SORCS3: variants seen among roughly 807,000 people sequenced by gnomAD.
The protein encoded by SORCS3 is VPS10 domain-containing receptor SorCS3.
SORCS3 carries 57 observed loss-of-function variants against 146.3 expected under a neutral mutation model. That is an observed-to-expected ratio of 0.39 (90% confidence interval 0.31 to 0.49). The LOEUF is 0.49. Ranked by LOEUF, SORCS3 falls within the 20% of genes least tolerant of loss-of-function variation. The pLI, the probability that SORCS3 is intolerant of heterozygous loss-of-function variation, is 0.92. For missense variants in SORCS3, 1,341 were observed against 1,575.5 expected (o/e 0.85, Z 2.52); for synonymous variants, 653 against 618.5 (o/e 1.06, Z -0.83).
chr10:105,097,867 G>A (rs1285044425), intron 6 of SORCS3, among the ~76,000 whole-genome samples: 2 of 152,102 alleles, frequency 1.3e-5, no homozygotes, highest in African/African-American at 2.4e-5. Flanking sequence ...ACCTGAACAT[G>A]GGCAAAACAT....
In SORCS3 at chr10:104,757,679, G is replaced by A. The variant is rs967776789; in HGVS notation, c.628-85113G>A. 3.9e-5 allele frequency among the ~76,000 whole-genome samples: 6 copies of A among 152,142 alleles called. No individual in the cohort carries two copies. The East Asian group carries it at 7.7e-4, about 20-fold the overall frequency. ...TTGGTGGTGGCTTGAAATTCAGTTC[G>A]GGGGTGTGAACTTTCTCTTCATTTT... On this transcript the variant is annotated intron_variant, in intron 1 of 26. Transcript: ENST00000369701.
intron 1 of SORCS3, among the ~76,000 whole-genome samples, chr10:104,840,315 C>G (rs1440191922): frequency 6.6e-6 from 1 of 152,182 alleles, no homozygotes; most frequent in Non-Finnish European, 1.5e-5. Flanking sequence ...TCAGCATTCC[C>G]TTTAGCTAGT....
chr10:104,949,322 G>T (rs74155071), intron 3 of SORCS3, among the ~76,000 whole-genome samples: 2,688 of 152,304 alleles, frequency 0.018, 74 homozygotes, highest in African/African-American at 0.061. Flanking sequence ...TGGGGAAAGA[G>T]AAATAGTTTT....
Position 104,794,622 on chromosome 10 carries a change from GGAGA to G in SORCS3, c.628-48135_628-48132del, listed in dbSNP as rs371695559. ...GTGTGTGTGAGAGAGAGAGAGGGAGGGAGAGAGAGAGAGAGAGAGAGAGAGAGAG... is the reference window on the plus strand; with the variant it reads ...GTGTGTGTGAGAGAGAGAGAGGGAGGGAGAGAGAGAGAGAGAGAGAGAGAG... On this transcript the variant is annotated intron_variant, in intron 1 of 26. Transcript: ENST00000369701. 4.4e-3 allele frequency among the ~76,000 whole-genome samples: 181 copies of G among 41,376 alleles called. 2 individuals are homozygous for G. The highest frequency in any genetic ancestry group is 7.6e-3 in the Admixed American group (28 of 3,682). 27.1% of individuals were successfully genotyped at this position (41,376 alleles called of 152,430 possible).
At chr10:104,766,210 G>A (rs1026543384) in intron 1 of SORCS3, among the ~76,000 whole-genome samples, 1 of 152,198 alleles carries the variant, frequency 6.6e-6, no homozygotes, top group Non-Finnish European at 1.5e-5. Context: ...AGACCAGAGT[G>A]AACTGCCAGT....
At chr10:104,652,405 G>C (rs901792273) in intron 1 of SORCS3, among the ~76,000 whole-genome samples, 3 of 152,108 alleles carry the variant, frequency 2.0e-5, no homozygotes, top group Non-Finnish European at 4.4e-5. Context: ...GCACAATCCT[G>C]TTTACTCCCT....
intron 3 of SORCS3, among the ~76,000 whole-genome samples, chr10:104,957,918 G>A (rs571252723): frequency 7.2e-5 from 11 of 152,086 alleles, no homozygotes; most frequent in African/African-American, 1.9e-4. Context: ...AAACCCAAAC[G>A]CCTATGATCA....
intron 11 of SORCS3, among the ~76,000 whole-genome samples, chr10:105,162,064 A>G (rs2056269448): frequency 6.6e-6 from 1 of 152,146 alleles, no homozygotes; most frequent in Admixed American, 6.5e-5. Context: ...CTGAGCCTGT[A>G]GCCACCCTGT....
chr10:104,662,959 T>C (rs1240863595), intron 1 of SORCS3, among the ~76,000 whole-genome samples: 1 of 152,150 alleles, frequency 6.6e-6, no homozygotes, highest in African/African-American at 2.4e-5. Flanking sequence ...CCCTACTTCA[T>C]GGGAGGAAAA....
chr10:104,669,472 C>T (rs944265695), intron 1 of SORCS3, among the ~76,000 whole-genome samples: 1 of 152,166 alleles, frequency 6.6e-6, no homozygotes. Context: ...ACTCTAGCTA[C>T]CTTAATAAAT....
chr10:105,124,888 C>T (rs2055962250), intron 7 of SORCS3, among the ~76,000 whole-genome samples: 1 of 152,168 alleles, frequency 6.6e-6, no homozygotes, highest in East Asian at 1.9e-4. Flanking sequence ...AGAAAGTCGG[C>T]TGTACCCAAG....
At chr10:104,974,885 G>T (rs2054885348) in intron 3 of SORCS3, among the ~76,000 whole-genome samples, 2 of 152,114 alleles carry the variant, frequency 1.3e-5, no homozygotes, top group Admixed American at 1.3e-4. Context: ...TTTTAGGGCA[G>T]TCCTGGTGGT....
At chr10:104,819,135 C>G (rs1269616663) in intron 1 of SORCS3, among the ~76,000 whole-genome samples, 2 of 152,070 alleles carry the variant, frequency 1.3e-5, no homozygotes, top group African/African-American at 4.8e-5. Flanking sequence ...TTGCAGGAAT[C>G]TCAATGTCAC....
chr10:104,913,300 C>T (rs11192228), intron 2 of SORCS3, among the ~76,000 whole-genome samples: 13,204 of 152,104 alleles, frequency 0.087, 741 homozygotes, highest in South Asian at 0.25. Flanking sequence ...ATGTATGAGC[C>T]ACAGCATTGG....
intron 3 of SORCS3, among the ~76,000 whole-genome samples, chr10:104,918,882 C>T (rs1014861548): frequency 6.6e-6 from 1 of 152,168 alleles, no homozygotes; most frequent in Non-Finnish European, 1.5e-5. Flanking sequence ...CTAAGTGGCT[C>T]GTGAAGGTTT....
chr10:105,102,915 G>A (rs929777704), intron 6 of SORCS3, among the ~76,000 whole-genome samples: 5 of 148,266 alleles, frequency 3.4e-5, no homozygotes, highest in South Asian at 2.2e-4. Flanking sequence ...TCAGCCTCCC[G>A]AGTAGCTGGG....
intron 1 of SORCS3, among the ~76,000 whole-genome samples, chr10:104,689,204 T>A (rs2016084579): frequency 6.6e-6 from 1 of 152,208 alleles, no homozygotes; most frequent in Admixed American, 6.5e-5. Flanking sequence ...TCTGTGCCCT[T>A]CACACCTCCA....
chr10:104,932,513 C>A (rs953449363), intron 3 of SORCS3, among the ~76,000 whole-genome samples: 1 of 152,148 alleles, frequency 6.6e-6, no homozygotes, highest in Non-Finnish European at 1.5e-5. Flanking sequence ...TTGATCTTGC[C>A]AATCCTTACT....
chr10:105,038,615 C>A (rs1282137905), intron 4 of SORCS3, among the ~76,000 whole-genome samples: 1 of 152,024 alleles, frequency 6.6e-6, no homozygotes, highest in Non-Finnish European at 1.5e-5. Flanking sequence ...GTTCAAACAT[C>A]TAAAAATGAT....
Sources: gnomAD v4.1 joint callset for allele counts (sites outside exome capture counted in the v4.1 genomes callset) on GRCh38, gnomAD v4.1.1 for gene constraint, MANE v1.5 for transcripts, NCBI Gene and HGNC (gene_info 2026-07-23, HGNC 2026-07-21) for gene names.